The following NTNG1 variants were observed in gnomAD, a reference collection of about 807,000 sequenced individuals.
The protein encoded by NTNG1 is netrin G1, also known as netrin-G1.
Under a neutral mutation model 54.0 loss-of-function variants are expected in NTNG1, and 16 were observed. That is an observed-to-expected ratio of 0.30 (90% confidence interval 0.20 to 0.45). The LOEUF (loss-of-function observed/expected upper bound fraction) is 0.45. NTNG1 is among the 20% of genes least tolerant of loss of function. The probability of loss-of-function intolerance (pLI) is 1.00; values close to 1 mark genes in which losing one functional copy is unlikely to be tolerated. For synonymous variants in NTNG1, 255 were observed against 263.1 expected, an observed-to-expected ratio of 0.97 and a Z score of 0.30; for missense variants, 530 against 678.7, an observed-to-expected ratio of 0.78 and a Z score of 2.43.
At chr1:107,188,976 A>G (rs962642237) in intron 2 of NTNG1, among the ~76,000 whole-genome samples, 12 of 152,100 alleles carry the variant, frequency 7.9e-5, no homozygotes, top group Non-Finnish European at 1.6e-4. Context: ...TATTAATTCC[A>G]TCTCATTTGA....
At chr1:107,194,384 C>T (rs75126415) in intron 2 of NTNG1, among the ~76,000 whole-genome samples, 1,923 of 152,124 alleles carry the variant, frequency 0.013, 40 homozygotes, top group African/African-American at 0.043. Context: ...TAAATCAATA[C>T]GTCCTTACAG....
chr1:107,437,670 G>T (rs1489375346), intron 7 of NTNG1, among the ~76,000 whole-genome samples: 2 of 151,992 alleles, frequency 1.3e-5, no homozygotes, highest in South Asian at 2.1e-4. Context: ...CATTAAAAAA[G>T]TAAAAAGAAA....
At chr1:107,246,272 C>T (rs933320541) in intron 2 of NTNG1, among the ~76,000 whole-genome samples, 4 of 152,128 alleles carry the variant, frequency 2.6e-5, no homozygotes, top group Non-Finnish European at 4.4e-5. Flanking sequence ...CCAGAATAGT[C>T]TCGATCTCCT....
chr1:107,187,521 T>A (rs1258907994), intron 2 of NTNG1, among the ~76,000 whole-genome samples: 1 of 152,048 alleles, frequency 6.6e-6, no homozygotes, highest in African/African-American at 2.4e-5. Flanking sequence ...AAGAGCAGAG[T>A]AGCTCACCCA....
At chr1:107,179,297 G>C (rs1000362052) in intron 2 of NTNG1, among the ~76,000 whole-genome samples, 1 of 152,000 alleles carries the variant, frequency 6.6e-6, no homozygotes, top group African/African-American at 2.4e-5. Context: ...CCTTTCTTGT[G>C]GGAAATATTT....
rs77605087 is a variant in NTNG1 at position 107,204,382 on chromosome 1, T to A, written c.246+55543T>A. On this transcript the variant is annotated intron_variant, in intron 2 of 7. Coordinates refer to ENST00000370068, the MANE Select transcript of NTNG1 (RefSeq NM_001113226.3). ...TGCATCAGTTTCTGGATACTTCTTA[T>A]CTCTTGTATCAGTCACTTTAGAGCC... 1.8e-3 allele frequency among the ~76,000 whole-genome samples: 280 copies of A among 152,290 alleles called. 7 individuals carry two copies. The East Asian group carries it at 0.038, about 20-fold the overall frequency.
At chr1:107,336,251 A>G (rs1217559040) in intron 3 of NTNG1, among the ~76,000 whole-genome samples, 7 of 151,666 alleles carry the variant, frequency 4.6e-5, no homozygotes, top group African/African-American at 1.7e-4. Context: ...TGGTACTGAC[A>G]TAAAGATAGA....
rs115693025 is a variant in NTNG1 at position 107,303,749 on chromosome 1, C to A, written c.247-20533C>A. ...GTCGCCAAGGTGTAATGCAGTGGAA[C>A]GATCTCGGCTCACTGCAACCTCCGC... On this transcript the variant is annotated intron_variant, in intron 2 of 7. Coordinates refer to ENST00000370068, the MANE Select transcript of NTNG1 (RefSeq NM_001113226.3). 9.2e-3 allele frequency among the ~76,000 whole-genome samples: 1,403 copies of A among 152,130 alleles called. 18 individuals are homozygous for A. Among genetic ancestry groups the A allele is most frequent in the African/African-American group, 0.032 (1,330 of 41,496 alleles).
chr1:107,186,239 T>C (rs955568346), intron 2 of NTNG1, among the ~76,000 whole-genome samples: 2 of 152,178 alleles, frequency 1.3e-5, no homozygotes, highest in African/African-American at 4.8e-5. Flanking sequence ...ATCTGTTCAC[T>C]TGCCTCCTTT....
chr1:107,361,248 T>C (rs1352808357), intron 3 of NTNG1, among the ~76,000 whole-genome samples: 2 of 138,404 alleles, frequency 1.4e-5, no homozygotes, highest in East Asian at 4.0e-4. Context: ...TAAATTATTA[T>C]ATAAAATATA....
intron 2 of NTNG1, among the ~76,000 whole-genome samples, chr1:107,277,861 T>G (rs1249648898): frequency 6.6e-6 from 1 of 152,168 alleles, no homozygotes. Context: ...CTTTAAAAAT[T>G]TGCATTCCTA....
intron 2 of NTNG1, among the ~76,000 whole-genome samples, chr1:107,241,611 A>G (rs890134522): frequency 1.3e-5 from 2 of 152,184 alleles, no homozygotes; most frequent in African/African-American, 4.8e-5. Context: ...AACAGGACAA[A>G]GCATCAGTGA....
Position 107,387,892 on chromosome 1 carries a change from C to T in NTNG1, c.888-7262C>T, listed in dbSNP as rs371215072. On this transcript the variant is annotated intron_variant, in intron 3 of 7. Coordinates refer to ENST00000370068, the MANE Select transcript of NTNG1 (RefSeq NM_001113226.3). ...GGCCCTCTTTTTTCCACTTGCCTTC[C>T]GTAATAGAGACTGTCTCCCTCTGAT... Among the ~76,000 whole-genome samples the T allele has an allele frequency of 2.3e-3, 348 of 152,260 alleles. 1 individual carries two copies. Among genetic ancestry groups the T allele is most frequent in the African/African-American group, 7.6e-3 (316 of 41,550 alleles).
At position 107,329,221 on chromosome 1, in the gene NTNG1, C is replaced by G. The variant is rs548722914; in HGVS notation, c.887+4299C>G. ...TTTTGGTGCCATCTTCACTTCATGG[C>G]TGCCCCTGCTCAGAATCACACTCTC... is the stretch of plus-strand genomic sequence containing the variant. On this transcript the variant is annotated intron_variant, in intron 3 of 7. Coordinates refer to ENST00000370068, the MANE Select transcript of NTNG1 (RefSeq NM_001113226.3). Among the ~76,000 whole-genome samples the G allele has an allele frequency of 5.3e-5, 8 of 152,250 alleles. No individual in the cohort carries two copies. In the South Asian group the frequency reaches 1.7e-3, roughly 32 times the overall value.
Position 107,307,295 on chromosome 1 carries a change from G to A in NTNG1, c.247-16987G>A, listed in dbSNP as rs1666751230. On this transcript the variant is annotated intron_variant, in intron 2 of 7. Coordinates refer to ENST00000370068, the MANE Select transcript of NTNG1 (RefSeq NM_001113226.3). Reference sequence around the variant, plus strand: ...GCCTCCATTTTATTAACTGAGTGCTGACCTATTAGGTGACACACTGGACCC... The same window carrying A: ...GCCTCCATTTTATTAACTGAGTGCTAACCTATTAGGTGACACACTGGACCC... 1.3e-5 allele frequency among the ~76,000 whole-genome samples: 2 copies of A among 152,148 alleles called. 1 individual carries two copies. Among genetic ancestry groups the A allele is most frequent in the South Asian group, 4.1e-4 (2 of 4,826 alleles).
chr1:107,370,420 T>C (rs1345239980), intron 3 of NTNG1, among the ~76,000 whole-genome samples: 1 of 151,958 alleles, frequency 6.6e-6, no homozygotes, highest in Admixed American at 6.6e-5. Flanking sequence ...GTAAGTTCTT[T>C]AGTGGTGATT....
At chr1:107,233,242 G>T (rs1276858257) in intron 2 of NTNG1, among the ~76,000 whole-genome samples, 1 of 152,122 alleles carries the variant, frequency 6.6e-6, no homozygotes, top group Non-Finnish European at 1.5e-5. Context: ...TCAGAGACTT[G>T]GTCTGCTATT....
At chr1:107,355,500 C>G (rs1407379444) in intron 3 of NTNG1, among the ~76,000 whole-genome samples, 1 of 152,028 alleles carries the variant, frequency 6.6e-6, no homozygotes, top group Non-Finnish European at 1.5e-5. Flanking sequence ...TCACAGATTG[C>G]AGTCTTAAGG....
At chr1:107,343,137 C>G (rs1392825874) in intron 3 of NTNG1, among the ~76,000 whole-genome samples, 1 of 152,100 alleles carries the variant, frequency 6.6e-6, no homozygotes, top group African/African-American at 2.4e-5. Flanking sequence ...ATAATGTCTG[C>G]CAGACTCACT....
Sources: gnomAD v4.1 joint callset for allele counts (sites outside exome capture counted in the v4.1 genomes callset) on GRCh38, gnomAD v4.1.1 for gene constraint, MANE v1.5 for transcripts, NCBI Gene and HGNC (gene_info 2026-07-23, HGNC 2026-07-21) for gene names.